Variants in COP1 observed in about 807,000 individuals in gnomAD.
The protein encoded by COP1 is COP1 E3 ubiquitin ligase.
In COP1, 24 loss-of-function variants were observed where a neutral mutation model predicts 101.3. The observed-to-expected ratio is 0.24, with a 90% confidence interval of 0.17 to 0.33. The LOEUF (loss-of-function observed/expected upper bound fraction) is 0.33, where lower values mean the gene tolerates loss of function less well. Among genes scored for constraint, COP1 ranks in the 10% least tolerant of loss-of-function variants. COP1 has a pLI of 1.00. For missense variants in COP1, 663 were observed against 906.2 expected (o/e 0.73, Z 3.45); for synonymous variants, 347 against 341.9 (o/e 1.01, Z -0.17).
intron 14 of COP1, among the ~76,000 whole-genome samples, chr1:176,033,821 CAGTT>C (rs879445937): frequency 6.6e-6 from 1 of 152,012 alleles, no homozygotes; most frequent in Non-Finnish European, 1.5e-5. Flanking sequence ...AAAAATTCCT[CAGTT>C]AAACATTTAC....
chr1:175,969,020 T>C (rs1652710831), intron 18 of COP1, among the ~76,000 whole-genome samples: 1 of 152,200 alleles, frequency 6.6e-6, no homozygotes, highest in African/African-American at 2.4e-5. Flanking sequence ...CCTCTGAGCA[T>C]AGAACCGTGC....
intron 6 of COP1, among the ~76,000 whole-genome samples, chr1:176,141,506 A>C (rs888819989): frequency 2.3e-5 from 3 of 129,734 alleles, no homozygotes; most frequent in African/African-American, 7.6e-5. Flanking sequence ...ATCTCAAAAA[A>C]TACATACATA....
intron 9 of COP1, among the ~76,000 whole-genome samples, chr1:176,099,076 C>A (rs1682922375): frequency 3.9e-5 from 6 of 152,142 alleles, no homozygotes; most frequent in Admixed American, 3.9e-4. Flanking sequence ...TTATTGTAAA[C>A]CACAGAGATA....
At chr1:176,052,742 T>C (rs541340358) in intron 11 of COP1, among the ~76,000 whole-genome samples, 1 of 152,318 alleles carries the variant, frequency 6.6e-6, no homozygotes, top group South Asian at 2.1e-4. Context: ...AACTTGTGCA[T>C]CTTACTAGTT....
At chr1:176,056,023 A>T (rs1298781649) in intron 11 of COP1, among the ~76,000 whole-genome samples, 1 of 152,094 alleles carries the variant, frequency 6.6e-6, no homozygotes, top group African/African-American at 2.4e-5. Context: ...AAGTTCTGAT[A>T]CACAGAAATT....
chr1:176,090,933 A>C (rs1441606099), intron 9 of COP1, among the ~76,000 whole-genome samples: 2 of 152,196 alleles, frequency 1.3e-5, no homozygotes, highest in Admixed American at 6.5e-5. Flanking sequence ...AAAGAAACCC[A>C]CAGTTAGACA....
intron 9 of COP1, among the ~76,000 whole-genome samples, chr1:176,096,187 C>T (rs914937961): frequency 2.0e-5 from 3 of 152,170 alleles, no homozygotes; most frequent in African/African-American, 4.8e-5. Flanking sequence ...CAATGTGAGG[C>T]CAAAGGAAGG....
intron 11 of COP1, among the ~76,000 whole-genome samples, chr1:176,068,144 A>G (rs1676341955): frequency 6.6e-6 from 1 of 152,252 alleles, no homozygotes; most frequent in Non-Finnish European, 1.5e-5. Context: ...TCTATCAAAA[A>G]GTAATTATGA....
chr1:176,078,106 A>C (rs1315417856), intron 11 of COP1, among the ~76,000 whole-genome samples: 3 of 152,156 alleles, frequency 2.0e-5, no homozygotes, highest in Admixed American at 6.6e-5. Flanking sequence ...TATCCTTAAA[A>C]TACCAACGTC....
At chr1:176,182,956 T>C (rs139053551) in intron 2 of COP1, among the ~76,000 whole-genome samples, 11 of 152,192 alleles carry the variant, frequency 7.2e-5, no homozygotes, top group Non-Finnish European at 1.3e-4. Flanking sequence ...TCTGAGGAGG[T>C]AGGTAAGAAA....
intron 9 of COP1, among the ~76,000 whole-genome samples, chr1:176,104,966 TGAG>T (rs759463550): frequency 1.3e-5 from 2 of 152,192 alleles, no homozygotes; most frequent in Non-Finnish European, 2.9e-5. Context: ...TAAAAAAGAA[TGAG>T]GAGGACTTCT....
chr1:176,127,323 T>C (rs1166493863), intron 8 of COP1, among the ~76,000 whole-genome samples: 1 of 152,148 alleles, frequency 6.6e-6, no homozygotes, highest in Non-Finnish European at 1.5e-5. Context: ...AACTATAACT[T>C]TGTACTCACT....
rs150892942 is a variant in COP1, at chr1:176,025,429, C to T, written c.1729+2143G>A. ...GGTCCCAAGATACAAAACAAATATC[C>T]AAATATGAACAAGTTTTGTCTACAT... On this transcript the variant is annotated intron_variant, in intron 15 of 19. Transcript: ENST00000367669. Among the ~76,000 whole-genome samples the T allele has an allele frequency of 2.5e-3, 327 of 129,972 alleles. 1 individual carries two copies. The highest frequency in any genetic ancestry group is 8.9e-3 in the African/African-American group (311 of 34,962). 85.3% of individuals were successfully genotyped at this position (129,972 alleles called of 152,430 possible). A position where few individuals can be genotyped will look rare whatever the true frequency, so the allele number is the denominator to read the frequency against.
chr1:176,008,483 A>G (rs1663975295), intron 15 of COP1, among the ~76,000 whole-genome samples: 1 of 152,124 alleles, frequency 6.6e-6, no homozygotes, highest in Non-Finnish European at 1.5e-5. Context: ...TTTTGTTAAT[A>G]TTCTCTATTT....
chr1:176,134,880 A>C (rs1334774272), intron 8 of COP1, 130 bp downstream of exon 8: 1 of 588,668 alleles, frequency 1.7e-6, no homozygotes, highest in Non-Finnish European at 3.0e-6. Context: ...TATGAATATC[A>C]TTTCTAGATC....
At chr1:176,199,795 C>T (rs1202468787) in intron 1 of COP1, among the ~76,000 whole-genome samples, 1 of 152,160 alleles carries the variant, frequency 6.6e-6, no homozygotes, top group Non-Finnish European at 1.5e-5. Flanking sequence ...GTATGAAGTG[C>T]TGGCAAAAGT....
At chr1:176,077,352 C>T (rs954024936) in intron 11 of COP1, among the ~76,000 whole-genome samples, 1 of 151,976 alleles carries the variant, frequency 6.6e-6, no homozygotes, top group Non-Finnish European at 1.5e-5. Flanking sequence ...TCAAAATATG[C>T]AAATCAATAA....
At chr1:176,171,351 A>G (rs1421523614) in intron 3 of COP1, among the ~76,000 whole-genome samples, 1 of 152,146 alleles carries the variant, frequency 6.6e-6, no homozygotes, top group Non-Finnish European at 1.5e-5. Flanking sequence ...TTTCTTCTGC[A>G]GCTTCCTCAC....
At chr1:175,952,012 A>G (rs1649991713) in intron 18 of COP1, among the ~76,000 whole-genome samples, 1 of 152,344 alleles carries the variant, frequency 6.6e-6, no homozygotes, top group Admixed American at 6.5e-5. Flanking sequence ...GACAAGAAAC[A>G]GAGAAAATCT....
Sources: allele counts gnomAD v4.1 joint callset (sites outside exome capture counted in the v4.1 genomes callset), GRCh38; gene constraint gnomAD v4.1.1; transcripts MANE v1.5; gene names NCBI Gene and HGNC (gene_info 2026-07-23, HGNC 2026-07-21).